The following EAPP variants were observed in gnomAD, a reference collection of about 807,000 sequenced individuals.
EAPP encodes the protein E2F-associated phosphoprotein.
EAPP carries 38 observed loss-of-function variants against 34.3 expected under a neutral mutation model. That is an observed-to-expected ratio of 1.11 (90% CI 0.85 to 1.45). The LOEUF is 1.45. EAPP is among the 40% of genes most tolerant of loss of function. The pLI is 0.00. For synonymous variants in EAPP, 113 were observed against 117.6 expected (o/e 0.96, Z 0.25); for missense variants, 338 against 343.7 (o/e 0.98, Z 0.13).
intron 5 of EAPP, among the ~76,000 whole-genome samples, chr14:34,522,674 T>C (rs1400619307): frequency 6.6e-6 from 1 of 152,194 alleles, no homozygotes; most frequent in African/African-American, 2.4e-5. Flanking sequence ...GATGGCACTT[T>C]AAGCCTCAGT....
intron 3 of EAPP, among the ~76,000 whole-genome samples, chr14:34,530,008 C>G (rs1467635645): frequency 7.0e-6 from 1 of 143,652 alleles, no homozygotes. Context: ...GAGAGCGAGA[C>G]TCCGTTTCAA....
At chr14:34,523,709 T>A (rs891055055) in intron 5 of EAPP, among the ~76,000 whole-genome samples, 20 of 151,940 alleles carry the variant, frequency 1.3e-4, no homozygotes, top group Non-Finnish European at 1.9e-4. Context: ...GCTAATTTTT[T>A]ATTTTTTTAT....
At chr14:34,536,877 A>G (rs1880495828) in intron 1 of EAPP, among the ~76,000 whole-genome samples, 1 of 152,010 alleles carries the variant, frequency 6.6e-6, no homozygotes, top group African/African-American at 2.4e-5. Flanking sequence ...CCGTCTCAAA[A>G]AATACATAGA....
At chr14:34,532,556 G>A (rs72673455) in intron 3 of EAPP, among the ~76,000 whole-genome samples, 1 of 152,064 alleles carries the variant, frequency 6.6e-6, no homozygotes, top group African/African-American at 2.4e-5. Flanking sequence ...TAAAGGAAGA[G>A]GGGGGAAAAG....
chr14:34,536,198 C>T lies in EAPP; in HGVS notation c.152G>A (p.Gly51Glu). The T allele has an allele frequency of 1.2e-6, 2 of 1,612,974 alleles. No individual in the cohort carries two copies. The highest frequency in any genetic ancestry group is 1.7e-6 in the Non-Finnish European group (2 of 1,179,654). Residue 51 changes from glycine to glutamate, a missense_variant, in exon 2 of 6, where the codon GGA becomes GAA. Gly to Glu is a moderately conservative substitution (Grantham distance 98). Transcript: ENST00000250454. ...KRKLIRECLT[G>E]ESESSSEDEF... ...ATCTTCACTAGATGATTCACTTTCT[C>T]CGGTAAGACATTCTCTGATGAGTTT...
At chr14:34,530,362 A>G (rs768655969) in intron 3 of EAPP, among the ~76,000 whole-genome samples, 5 of 152,002 alleles carry the variant, frequency 3.3e-5, no homozygotes, top group Non-Finnish European at 2.9e-5. Context: ...ATGAGACCCC[A>G]TCTCTACAAA....
chr14:34,518,583 G>A (rs1291537347), intron 5 of EAPP, among the ~76,000 whole-genome samples: 1 of 151,640 alleles, frequency 6.6e-6, no homozygotes, highest in Non-Finnish European at 1.5e-5. Flanking sequence ...CACCAACCTC[G>A]GCCTCCTGAA....
intron 3 of EAPP, among the ~76,000 whole-genome samples, chr14:34,532,570 T>A (rs1395013278): frequency 5.3e-5 from 8 of 151,878 alleles, no homozygotes; most frequent in Non-Finnish European, 7.4e-5. Flanking sequence ...GGAAAAGCCC[T>A]GAGGAGGGGA....
intron 5 of EAPP, among the ~76,000 whole-genome samples, chr14:34,521,592 AT>A (rs968803045): frequency 7.3e-4 from 107 of 146,924 alleles, no homozygotes; most frequent in African/African-American, 2.6e-3. Context: ...CCTCTAATGA[AT>A]TTTTTAGTTC....
At chr14:34,530,670 G>A (rs1164174888) in intron 3 of EAPP, among the ~76,000 whole-genome samples, 2 of 151,784 alleles carry the variant, frequency 1.3e-5, no homozygotes, top group Non-Finnish European at 2.9e-5. Context: ...TGAGAATTCA[G>A]AGACTCAAAA....
At chr14:34,539,171 T>A (rs1447113836) in intron 1 of EAPP, 2 of 348,442 alleles carry the variant, frequency 5.7e-6, no homozygotes, top group African/African-American at 4.2e-5. Context: ...ACAAACATAG[T>A]GTGTTATACT....
At chr14:34,534,519 C>A (rs556105541) in intron 2 of EAPP, among the ~76,000 whole-genome samples, 62 of 152,272 alleles carry the variant, frequency 4.1e-4, no homozygotes, top group African/African-American at 1.5e-3. Context: ...TTTCATTACT[C>A]ACTAAAGTGA....
At chr14:34,532,342 C>G (rs189037902) in intron 3 of EAPP, among the ~76,000 whole-genome samples, 1 of 151,894 alleles carries the variant, frequency 6.6e-6, no homozygotes, top group Admixed American at 6.6e-5. Flanking sequence ...GTCTGTAAAC[C>G]CAGCTACTCA....
chr14:34,532,857 A>G (rs2138221425), intron 3 of EAPP, among the ~76,000 whole-genome samples: 1 of 151,932 alleles, frequency 6.6e-6, no homozygotes, highest in East Asian at 1.9e-4. Context: ...TTGTATTTTT[A>G]ATAGACATGG....
Position 34,516,421 on chromosome 14 carries a change from A to G in EAPP, c.747T>C (p.Asp249=), listed in dbSNP as rs1314173366. 6.2e-6 allele frequency: 10 copies of G among 1,614,160 alleles called. No homozygotes were observed. Among genetic ancestry groups the G allele is most frequent in the Non-Finnish European group, 8.5e-6 (10 of 1,180,034 alleles). ...TGACTGGGTGATAGATTTCTTCCAC[A>G]TCTGTCTCTGCCTTCTCGGCAGCAT... ...REDAAEKAET[D]VEEIYHPVMC... The change falls in exon 6 of 6, where the codon GAT becomes GAC. Residue 249 remains aspartate (D), a synonymous_variant. Coordinates refer to ENST00000250454, the MANE Select transcript of EAPP (RefSeq NM_018453.4).
Position 34,525,299 on chromosome 14 carries a change from T to C in EAPP, c.471-492A>G, listed in dbSNP as rs138542054. On this transcript the variant is annotated intron_variant, in intron 4 of 5. Transcript: ENST00000250454. Reference sequence around the variant, plus strand: ...TGACTTCCTTCCAAAGAGTACGGTATGGTAAGGCGGGGTAAAAGACTAACT... The same window carrying C: ...TGACTTCCTTCCAAAGAGTACGGTACGGTAAGGCGGGGTAAAAGACTAACT... Among the ~76,000 whole-genome samples the C allele has an allele frequency of 4.7e-3, 723 of 152,268 alleles. 5 individuals are homozygous for C. Among genetic ancestry groups the C allele is most frequent in the Non-Finnish European group, 8.0e-3 (541 of 68,024 alleles).
chr14:34,529,481 T>G lies in EAPP; in HGVS notation c.353-6A>C. 1 of 1,576,000 alleles carries G rather than the reference T, an allele frequency of 6.3e-7. No individual in the cohort carries two copies. The highest frequency in any genetic ancestry group is 8.7e-7 in the Non-Finnish European group (1 of 1,149,868). On this transcript the variant is annotated splice_polypyrimidine_tract_variant and splice_region_variant and intron_variant, in intron 3 of 5. Coordinates refer to ENST00000250454, the MANE Select transcript of EAPP (RefSeq NM_018453.4). ...TTTTTTCTTGGTCACCTGTACTAAT[T>G]TTGAAAATATTAGGATATGGCTAAG...
At chr14:34,533,588 C>G (rs934152907) in intron 2 of EAPP, 49 bp from the exon 3 acceptor site, 3 of 1,295,712 alleles carry the variant, frequency 2.3e-6, no homozygotes, top group Admixed American at 2.5e-5. Flanking sequence ...ACATAATTCA[C>G]AAGGCAAAAA....
In EAPP at chr14:34,536,254, C is replaced by T. The variant is rs1312893053; in HGVS notation, c.96G>A (p.Val32=). The T allele has an allele frequency of 6.2e-7, 1 of 1,609,970 alleles. No homozygotes were observed. The highest frequency in any genetic ancestry group is 8.5e-7 in the Non-Finnish European group (1 of 1,178,912). ...TTTGGTCAGGAGTTCCATGTAAAAG[C>T]ACATCCACTTCATCCTCAGAGCTAG... ...ALSSSEDEVD[V]LLHGTPDQKR... Residue 32 remains valine, a synonymous_variant, in exon 2 of 6, where the codon GTG becomes GTA. Coordinates refer to ENST00000250454, the MANE Select transcript of EAPP (RefSeq NM_018453.4).
Sources: allele counts gnomAD v4.1 joint callset (sites outside exome capture counted in the v4.1 genomes callset), GRCh38; gene constraint gnomAD v4.1.1; transcripts MANE v1.5; gene names NCBI Gene and HGNC (gene_info 2026-07-23, HGNC 2026-07-21).